The following ERCC8 variants were observed in gnomAD, a reference collection of about 807,000 sequenced individuals.
The protein encoded by ERCC8 is DNA excision repair protein ERCC-8.
A neutral mutation model predicts 54.9 loss-of-function variants in ERCC8; 52 were observed. That is an observed-to-expected ratio of 0.95 (90% CI 0.76 to 1.19). ERCC8 has a LOEUF of 1.19. Among genes scored for constraint, ERCC8 ranks in the 50% most tolerant of loss-of-function variants. The pLI, the probability that ERCC8 is intolerant of heterozygous loss-of-function variation, is 0.00. For missense variants in ERCC8, 514 were observed against 466.1 expected (o/e 1.10, Z -0.95); for synonymous variants, 146 against 157.2 (o/e 0.93, Z 0.53).
chr5:60,871,664 AGATTTTTATGTTGTTT>A lies in ERCC8; in HGVS notation c.*2935_*2950del, dbSNP rs1457725583. 6.6e-6 allele frequency among the ~76,000 whole-genome samples: 1 copy of A among 152,178 alleles called. No individual in the cohort carries two copies. Among genetic ancestry groups the A allele is most frequent in the Non-Finnish European group, 1.5e-5 (1 of 68,026 alleles). On this transcript the variant is annotated 3_prime_UTR_variant, in exon 12 of 12. Transcript: ENST00000676185. ...CCAGGTGACCACTACCTTCCTTTTT[AGATTTTTATGTTGTTT>A]GAATTATTTATAATGAGCCTATATA...
chr5:60,884,919 C>T (rs1579989946), intron 11 of ERCC8, among the ~76,000 whole-genome samples: 2 of 151,976 alleles, frequency 1.3e-5, no homozygotes, highest in South Asian at 4.1e-4. Flanking sequence ...ACTTGTTTTG[C>T]TTAATTTCTC....
Position 60,922,192 on chromosome 5 carries a change from A to C in ERCC8, c.174-37T>G, listed in dbSNP as rs754248915. On this transcript the variant is annotated intron_variant, in intron 2 of 11. Coordinates refer to ENST00000676185, the MANE Select transcript of ERCC8 (RefSeq NM_000082.4). ...AAAGTTCACATTAATTTATCATTTT[A>C]TTTATTATTTAGTCCATTTATTTAT... is the stretch of plus-strand genomic sequence containing the variant. 3.6e-5 allele frequency: 48 copies of C among 1,334,130 alleles called. No homozygotes were observed. In the South Asian group the frequency reaches 5.4e-4, roughly 15 times the overall value. 82.6% of individuals were successfully genotyped at this position (1,334,130 alleles called of 1,614,324 possible). A position where few individuals can be genotyped will look rare whatever the true frequency, so the allele number is the denominator to read the frequency against.
rs57423118 is a variant in ERCC8 at position 60,870,482 on chromosome 5, T to TAAAAAAAAA, written c.*4124_*4132dup. ...CAACATGGTGAAACCCCACCTCTGC[T>TAAAAAAAAA]AAAAAAAAAAAAAAAAAAAAAAAAA... is the stretch of plus-strand genomic sequence containing the variant. On this transcript the variant is annotated 3_prime_UTR_variant, in exon 12 of 12. Coordinates refer to ENST00000676185, the MANE Select transcript of ERCC8 (RefSeq NM_000082.4). Among the ~76,000 whole-genome samples, 22 of 48,790 alleles carry TAAAAAAAAA rather than the reference T, an allele frequency of 4.5e-4. 2 individuals carry two copies. Among genetic ancestry groups the TAAAAAAAAA allele is most frequent in the African/African-American group, 6.0e-4 (6 of 10,060 alleles). 32.0% of individuals were successfully genotyped at this position (48,790 alleles called of 152,430 possible).
At chr5:60,914,078 G>T (rs1749354122) in intron 4 of ERCC8, among the ~76,000 whole-genome samples, 1 of 152,114 alleles carries the variant, frequency 6.6e-6, no homozygotes, top group Non-Finnish European at 1.5e-5. Context: ...TTGATTTGGG[G>T]TGGAGAGTTC....
chr5:60,906,510 C>T (rs1749075993), intron 4 of ERCC8, among the ~76,000 whole-genome samples: 1 of 151,902 alleles, frequency 6.6e-6, no homozygotes, highest in South Asian at 2.1e-4. Flanking sequence ...AGGCGGATCA[C>T]TTGAGGTCAG....
chr5:60,896,187 G>A (rs1350694953), intron 9 of ERCC8, among the ~76,000 whole-genome samples: 3 of 151,514 alleles, frequency 2.0e-5, no homozygotes, highest in Non-Finnish European at 4.4e-5. Flanking sequence ...GTTTCTCCAT[G>A]TTGGTCAGGC....
chr5:60,872,934 T>C lies in ERCC8; in HGVS notation c.*1681A>G, dbSNP rs943466567. ...ACCTAAGCATCTGTCAATGGTTGAATGGATAAAGAAAATGTAGTACATATA... is the reference window on the plus strand; with the variant it reads ...ACCTAAGCATCTGTCAATGGTTGAACGGATAAAGAAAATGTAGTACATATA... On this transcript the variant is annotated 3_prime_UTR_variant, in exon 12 of 12. Coordinates refer to ENST00000676185, the MANE Select transcript of ERCC8 (RefSeq NM_000082.4). Among the ~76,000 whole-genome samples the C allele has an allele frequency of 6.6e-6, 1 of 152,174 alleles. No individual in the cohort carries two copies. The highest frequency in any genetic ancestry group is 2.4e-5 in the African/African-American group (1 of 41,424).
rs1036512915 is a variant in ERCC8 at position 60,873,502 on chromosome 5, C to A, written c.*1113G>T. On this transcript the variant is annotated 3_prime_UTR_variant, in exon 12 of 12. Transcript: ENST00000676185. ...CCAGCCTGGCCAACATGGTGAAACC[C>A]CATCTCTACTGAAAATACAAAAAAA... 1.3e-5 allele frequency among the ~76,000 whole-genome samples: 2 copies of A among 152,042 alleles called. No homozygotes were observed. Among genetic ancestry groups the A allele is most frequent in the African/African-American group, 4.8e-5 (2 of 41,394 alleles).
chr5:60,940,272 T>C (rs1750218651), intron 1 of ERCC8, among the ~76,000 whole-genome samples: 1 of 152,214 alleles, frequency 6.6e-6, no homozygotes. Context: ...GACAATCCCA[T>C]GACAGAAATG....
chr5:60,912,266 A>C (rs1320849205), intron 4 of ERCC8, among the ~76,000 whole-genome samples: 2 of 151,912 alleles, frequency 1.3e-5, no homozygotes, highest in African/African-American at 2.4e-5. Context: ...CTTTTATTTC[A>C]TTGAGCAGTG....
At chr5:60,925,971 G>A (rs1042704602) in intron 2 of ERCC8, among the ~76,000 whole-genome samples, 4 of 152,010 alleles carry the variant, frequency 2.6e-5, no homozygotes, top group Admixed American at 6.6e-5. Flanking sequence ...TTACGGGCAC[G>A]CGCCACTGCA....
chr5:60,910,972 C>T (rs1749240275), intron 4 of ERCC8, among the ~76,000 whole-genome samples: 1 of 151,972 alleles, frequency 6.6e-6, no homozygotes, highest in African/African-American at 2.4e-5. Context: ...AAAATGGTTG[C>T]TTTAGTTTTT....
Position 60,868,540 on chromosome 5 carries a change from G to T in ERCC8, c.*6075C>A, listed in dbSNP as rs1747800047. 6.6e-6 allele frequency among the ~76,000 whole-genome samples: 1 copy of T among 152,142 alleles called. No homozygotes were observed. The highest frequency in any genetic ancestry group is 2.1e-4 in the South Asian group (1 of 4,824). On this transcript the variant is annotated 3_prime_UTR_variant, in exon 12 of 12. Coordinates refer to ENST00000676185, the MANE Select transcript of ERCC8 (RefSeq NM_000082.4). ...TTATTAGGTTGGTGCAAAAGTAATT[G>T]CAGTTTTTGTGATTACTTTTAATAA...
chr5:60,939,610 G>A (rs1488297788), intron 1 of ERCC8, among the ~76,000 whole-genome samples: 1 of 152,054 alleles, frequency 6.6e-6, no homozygotes, highest in Non-Finnish European at 1.5e-5. Flanking sequence ...TCAGCCACGT[G>A]AGTAGCTGGG....
At chr5:60,877,230 T>A (rs185328534) in intron 11 of ERCC8, among the ~76,000 whole-genome samples, 19 of 152,324 alleles carry the variant, frequency 1.2e-4, no homozygotes, top group African/African-American at 4.3e-4. Context: ...CTCTGTTCCA[T>A]TGGTCTATAT....
chr5:60,923,699 C>T (rs1189081855), intron 2 of ERCC8, among the ~76,000 whole-genome samples: 1 of 152,050 alleles, frequency 6.6e-6, no homozygotes, highest in Non-Finnish European at 1.5e-5. Flanking sequence ...CTTTATGTCT[C>T]TTTTGGAAGT....
Position 60,902,020 on chromosome 5 carries a change from T to C in ERCC8, c.617+422A>G, listed in dbSNP as rs4647106. On this transcript the variant is annotated intron_variant, in intron 7 of 11. Coordinates refer to ENST00000676185, the MANE Select transcript of ERCC8 (RefSeq NM_000082.4). ...ATTGTTGGTTTTTCAAAGCCTTGGT[T>C]ACCTCTGTGTCCCTAGCACAATGCT... 2.8e-3 allele frequency among the ~76,000 whole-genome samples: 431 copies of C among 152,210 alleles called. 6 individuals carry two copies. Among genetic ancestry groups the C allele is most frequent in the Admixed American group, 0.026 (402 of 15,278 alleles).
In ERCC8 at chr5:60,876,126, G is replaced by T. The variant is rs533486585; in HGVS notation, c.1123-1443C>A. 4.6e-5 allele frequency among the ~76,000 whole-genome samples: 7 copies of T among 152,096 alleles called. No individual in the cohort carries two copies. The South Asian group carries it at 1.2e-3, about 27-fold the overall frequency. ...TCCCACCTATGAGTGAGAACTTGGC[G>T]GTGTTTGGGTTTTTGTCCTTGCAAT... On this transcript the variant is annotated intron_variant, in intron 11 of 11. Transcript: ENST00000676185.
chr5:60,868,284 ATAAC>A lies in ERCC8; in HGVS notation c.*6327_*6330del, dbSNP rs1747794328. On this transcript the variant is annotated 3_prime_UTR_variant, in exon 12 of 12. Coordinates refer to ENST00000676185, the MANE Select transcript of ERCC8 (RefSeq NM_000082.4). ...ACTTAATTGTGTTTTTAGAGACAGA[ATAAC>A]TAACCAGGTTGGGACAGAGACACCC... Among the ~76,000 whole-genome samples, 1 of 152,224 alleles carries A rather than the reference ATAAC, an allele frequency of 6.6e-6. No individual in the cohort carries two copies. The highest frequency in any genetic ancestry group is 6.5e-5 in the Admixed American group (1 of 15,280).
Sources: allele counts gnomAD v4.1 joint callset (sites outside exome capture counted in the v4.1 genomes callset), GRCh38; gene constraint gnomAD v4.1.1; transcripts MANE v1.5; gene names NCBI Gene and HGNC (gene_info 2026-07-23, HGNC 2026-07-21).